ANKRD30B: variants seen among roughly 807,000 people sequenced by gnomAD.
ANKRD30B encodes the protein ankyrin repeat domain 30B, also known as ankyrin repeat domain-containing protein 30B.
In ANKRD30B, 144 loss-of-function variants were observed where a neutral mutation model predicts 202.2. The ratio of observed to expected loss-of-function variants is 0.71; its 90% CI spans 0.62 to 0.82. ANKRD30B has a LOEUF of 0.82. ANKRD30B is among the 40% of genes least tolerant of loss of function. ANKRD30B has a pLI of 0.00. For missense variants in ANKRD30B, 1,487 were observed against 1,669.1 expected (o/e 0.89, Z 1.90); for synonymous variants, 508 against 561.3 (o/e 0.91, Z 1.34).
At chr18:14,921,276 G>T in the ANKRD30B span, among the ~76,000 whole-genome samples, 1 of 151,228 alleles carries the variant, frequency 6.6e-6, no homozygotes, top group African/African-American at 2.4e-5. Flanking sequence ...CACATGAGGC[G>T]CATGTTTAGA....
chr18:14,841,670 G>A (rs572813915), intron 37 of ANKRD30B, among the ~76,000 whole-genome samples: 1 of 152,280 alleles, frequency 6.6e-6, no homozygotes, highest in East Asian at 1.9e-4. Flanking sequence ...TTTTGGCTAA[G>A]GAAGAGGGAT....
intron 6 of ANKRD30B, among the ~76,000 whole-genome samples, chr18:14,761,263 G>A (rs1438401430): frequency 6.6e-6 from 1 of 152,144 alleles, no homozygotes; most frequent in Non-Finnish European, 1.5e-5. Flanking sequence ...CATATTCAGT[G>A]AAAGAGCAGC....
intron 16 of ANKRD30B, among the ~76,000 whole-genome samples, chr18:14,794,108 G>A (rs902368212): frequency 1.2e-4 from 18 of 152,184 alleles, no homozygotes; most frequent in African/African-American, 4.1e-4. Context: ...TACAAATGTG[G>A]CTCACTAATC....
chr18:14,933,397 C>T, the ANKRD30B span, among the ~76,000 whole-genome samples: 4 of 152,132 alleles, frequency 2.6e-5, no homozygotes, highest in Admixed American at 1.3e-4. Context: ...GCAGCAGGCC[C>T]GGGGGTGGGT....
chr18:14,930,019 G>T, the ANKRD30B span, among the ~76,000 whole-genome samples: 5 of 152,200 alleles, frequency 3.3e-5, no homozygotes, highest in Admixed American at 2.0e-4. Context: ...TCCCTCACAG[G>T]TAGATGGGAA....
chr18:14,762,931 G>A (rs1915492084), intron 6 of ANKRD30B, among the ~76,000 whole-genome samples: 1 of 152,026 alleles, frequency 6.6e-6, no homozygotes, highest in South Asian at 2.1e-4. Context: ...TTGAATTTCT[G>A]CATTTTTCCA....
chr18:14,779,114 C>T (rs1225233717), intron 10 of ANKRD30B, among the ~76,000 whole-genome samples: 1 of 152,200 alleles, frequency 6.6e-6, no homozygotes, highest in Non-Finnish European at 1.5e-5. Context: ...AGAAGATAGC[C>T]AGGCAACTTT....
the ANKRD30B span, among the ~76,000 whole-genome samples, chr18:14,914,633 G>C: frequency 6.6e-6 from 1 of 152,274 alleles, no homozygotes; most frequent in South Asian, 2.1e-4. Flanking sequence ...ACTTCATAAT[G>C]AATTGAATTA....
intron 20 of ANKRD30B, among the ~76,000 whole-genome samples, chr18:14,798,316 G>A (rs1969064470): frequency 6.6e-6 from 1 of 151,940 alleles, no homozygotes; most frequent in African/African-American, 2.4e-5. Flanking sequence ...ACATGGGGAT[G>A]AAGTAATTCT....
chr18:14,770,047 C>T (rs1156646038), intron 8 of ANKRD30B, among the ~76,000 whole-genome samples: 1 of 152,104 alleles, frequency 6.6e-6, no homozygotes, highest in Non-Finnish European at 1.5e-5. Flanking sequence ...TGACTGACTT[C>T]CAAGTTTAGT....
the ANKRD30B span, among the ~76,000 whole-genome samples, chr18:14,923,636 AG>A: frequency 6.6e-6 from 1 of 152,226 alleles, no homozygotes; most frequent in African/African-American, 2.4e-5. Context: ...GCTAATTCCT[AG>A]GGCCTTGAGT....
chr18:14,866,574 G>T, the ANKRD30B span, among the ~76,000 whole-genome samples: 2 of 152,120 alleles, frequency 1.3e-5, no homozygotes, highest in Non-Finnish European at 2.9e-5. Context: ...ACCATGGCTC[G>T]CCTGGTTGCG....
At chr18:14,915,988 A>G in the ANKRD30B span, among the ~76,000 whole-genome samples, 1 of 152,248 alleles carries the variant, frequency 6.6e-6, no homozygotes, top group African/African-American at 2.4e-5. Context: ...TGTGAAGGTT[A>G]TCTGCAAACA....
chr18:14,843,838 G>A (rs9709991), intron 39 of ANKRD30B, among the ~76,000 whole-genome samples: 1 of 152,110 alleles, frequency 6.6e-6, no homozygotes, highest in Admixed American at 6.6e-5. Flanking sequence ...ATAAATGGGA[G>A]AAGTAATCAT....
chr18:14,787,298 G>T (rs1184426364), intron 15 of ANKRD30B, among the ~76,000 whole-genome samples, 198 bp downstream of exon 15: 12 of 152,058 alleles, frequency 7.9e-5, no homozygotes, highest in Admixed American at 7.9e-4. Flanking sequence ...TGAATTTGTA[G>T]GATTAATTTA....
intron 41 of ANKRD30B, 84 bp from the exon 42 acceptor site, chr18:14,851,425 G>C (rs569058744): frequency 7.3e-7 from 1 of 1,372,410 alleles, no homozygotes; most frequent in Non-Finnish European, 9.7e-7. Context: ...TTGTATAAAC[G>C]TACAAGTTGT....
the ANKRD30B span, among the ~76,000 whole-genome samples, chr18:14,871,342 G>C: frequency 1.3e-5 from 2 of 150,360 alleles, no homozygotes; most frequent in Non-Finnish European, 3.0e-5. Flanking sequence ...CATGGTCCCA[G>C]CAGATCTGAG....
At chr18:14,934,769 C>G in the ANKRD30B span, among the ~76,000 whole-genome samples, 1 of 152,142 alleles carries the variant, frequency 6.6e-6, no homozygotes, top group African/African-American at 2.4e-5. Flanking sequence ...ACTGCTGAAA[C>G]AGAAGGCATC....
intron 1 of ANKRD30B, among the ~76,000 whole-genome samples, chr18:14,750,331 G>A (rs1300597330): frequency 6.6e-6 from 1 of 152,060 alleles, no homozygotes; most frequent in Non-Finnish European, 1.5e-5. Context: ...TTAAAACTGG[G>A]CAAAGTCCTT....
Sources: allele counts gnomAD v4.1 joint callset (sites outside exome capture counted in the v4.1 genomes callset), GRCh38; gene constraint gnomAD v4.1.1; transcripts MANE v1.5; gene names NCBI Gene and HGNC (gene_info 2026-07-23, HGNC 2026-07-21).